Variants in TPR observed in about 807,000 individuals in gnomAD.
The protein encoded by TPR is translocated promoter region, nuclear basket protein.
Under a neutral mutation model 316.1 loss-of-function variants are expected in TPR, and 51 were observed. The observed-to-expected ratio is 0.16, with a 90% CI of 0.13 to 0.20. The LOEUF is 0.20. TPR is among the 10% of genes least tolerant of loss of function. The probability of loss-of-function intolerance (pLI) is 1.00; values close to 1 mark genes in which losing one functional copy is unlikely to be tolerated. For missense variants in TPR, 2,272 were observed against 2,754.8 expected (o/e 0.82, Z 3.92); for synonymous variants, 981 against 914.7 (o/e 1.07, Z -1.31).
chr1:186,373,939 A>T (rs1659610061), intron 1 of TPR, among the ~76,000 whole-genome samples: 1 of 152,232 alleles, frequency 6.6e-6, no homozygotes, highest in African/African-American at 2.4e-5. Context: ...AAGGGATTGA[A>T]TATCATGTTC....
rs1338364529 is a variant in TPR, at chr1:186,343,520, A to T, written c.3603-47T>A. ...AATTTTATGTGAATTTTAAAAAGCC[A>T]ACATTACAAAACGTAGGTAATTTGG... On this transcript the variant is annotated intron_variant, in intron 26 of 50. Transcript: ENST00000367478. The T allele has an allele frequency of 1.9e-6, 3 of 1,559,248 alleles. No homozygotes were observed. In the East Asian group the frequency reaches 6.8e-5, roughly 35 times the overall value.
At position 186,345,691 on chromosome 1, in the gene TPR, A is replaced by G. The variant is rs1185903982; in HGVS notation, c.3102T>C (p.Ser1034=). The part of the protein sequence containing the change: ...RAIESMEQQL[S]ELKKTLSSVQ... ...CACTAGAAAGTGTTTTCTTCAATTC[A>G]GATAACTAAGCAGAAAGAACAAGAT... is the stretch of plus-strand genomic sequence containing the variant. Residue 1034 remains serine, a synonymous_variant, in exon 24 of 51, where the codon TCT becomes TCC. Transcript: ENST00000367478. The G allele has an allele frequency of 6.9e-6, 11 of 1,605,822 alleles. No individual in the cohort carries two copies. Among genetic ancestry groups the G allele is most frequent in the Non-Finnish European group, 9.4e-6 (11 of 1,174,000 alleles).
At chr1:186,350,962 G>C (rs1178654184) in intron 20 of TPR, among the ~76,000 whole-genome samples, 1 of 152,138 alleles carries the variant, frequency 6.6e-6, no homozygotes, top group Admixed American at 6.5e-5. Context: ...AATTGCAATG[G>C]ACACTGGCAC....
rs774685861 is a variant in TPR at position 186,356,270 on chromosome 1, CTT to C, written c.1888+14_1888+15del. On this transcript the variant is annotated intron_variant, in intron 15 of 50. Coordinates refer to ENST00000367478, the MANE Select transcript of TPR (RefSeq NM_003292.3). ...ATTTCTAAATTATTCCTTAAAATAA[CTT>C]TATAAAAACCTACCATGTAATGGAA... 5.7e-6 allele frequency: 9 copies of C among 1,569,020 alleles called. No individual in the cohort carries two copies. In the East Asian group the frequency reaches 1.9e-4, roughly 32 times the overall value.
chr1:186,322,770 A>T, intron 43 of TPR, 184 bp from the exon 44 acceptor site: 2 of 594,682 alleles, frequency 3.4e-6, no homozygotes, highest in Non-Finnish European at 6.0e-6. Flanking sequence ...TTTTAATTAT[A>T]GTCTATAATA....
At chr1:186,338,349 T>C in intron 30 of TPR, 106 bp from the exon 31 acceptor site, 1 of 945,148 alleles carries the variant, frequency 1.1e-6, no homozygotes, top group South Asian at 1.8e-5. Context: ...CTTTTTTTTT[T>C]GAAAATCCTA....
At chr1:186,324,983 A>G (rs930444452) in intron 42 of TPR, among the ~76,000 whole-genome samples, 7 of 152,212 alleles carry the variant, frequency 4.6e-5, no homozygotes, top group Middle Eastern at 6.8e-3. Flanking sequence ...TAAGAATAGT[A>G]TTACCTATTA....
At chr1:186,323,664 T>G in intron 43 of TPR, 22 bp downstream of exon 43, 1 of 1,424,070 alleles carries the variant, frequency 7.0e-7, no homozygotes, top group Non-Finnish European at 9.2e-7. Flanking sequence ...TCATTTTTCA[T>G]AATGACCAGT....
At chr1:186,356,892 C>T (rs1261806673) in intron 14 of TPR, among the ~76,000 whole-genome samples, 2 of 152,198 alleles carry the variant, frequency 1.3e-5, no homozygotes, top group African/African-American at 4.8e-5. Flanking sequence ...ACAGTGAATG[C>T]AAATTGTCTA....
chr1:186,361,965 G>C (rs1659205438), intron 7 of TPR, 96 bp from the exon 8 acceptor site: 1 of 1,201,366 alleles, frequency 8.3e-7, no homozygotes, highest in Non-Finnish European at 1.2e-6. Context: ...TGTAAAGTAA[G>C]AGCTAAATCT....
In TPR at chr1:186,343,343, C is replaced by G; in HGVS notation, c.3733G>C (p.Glu1245Gln). 1 of 1,612,924 alleles carries G rather than the reference C, an allele frequency of 6.2e-7. No individual in the cohort carries two copies. Among genetic ancestry groups the G allele is most frequent in the Non-Finnish European group, 8.5e-7 (1 of 1,179,664 alleles). The change falls in exon 27 of 51, where the codon GAA becomes CAA. Residue 1245 changes from glutamate to glutamine, a missense_variant. Physicochemically the swap from Glu to Gln is conservative, Grantham distance 29. Coordinates refer to ENST00000367478, the MANE Select transcript of TPR (RefSeq NM_003292.3). ...LQELQDSLNAEREKVQVTAKT... is the reference protein window; with the variant it reads ...LQELQDSLNAQREKVQVTAKT... The stretch of plus-strand genomic sequence containing the variant: ...ATACCTACCTGGACTTTCTCCCTTT[C>G]AGCATTTAGACTATCTTGCAGTTCC...
chr1:186,364,779 G>C (rs1353099860), intron 4 of TPR, among the ~76,000 whole-genome samples: 1 of 152,180 alleles, frequency 6.6e-6, no homozygotes, highest in Non-Finnish European at 1.5e-5. Flanking sequence ...TTTTAATGCA[G>C]ATAGAAGTGT....
At position 186,340,605 on chromosome 1, in the gene TPR, AT is replaced by A. The variant is rs539611216; in HGVS notation, c.4020+422del. 5.9e-3 allele frequency among the ~76,000 whole-genome samples: 895 copies of A among 151,774 alleles called. 12 individuals are homozygous for A. Among genetic ancestry groups the A allele is most frequent in the African/African-American group, 0.02 (839 of 41,402 alleles). On this transcript the variant is annotated intron_variant, in intron 29 of 50. Transcript: ENST00000367478. ...TACCACCACGCCCAGCTAATTTTTA[AT>A]TTTTTGTAGAGTTGGAGTCTCACTA...
In TPR at chr1:186,344,676, A is replaced by G. The variant is rs140648267; in HGVS notation, c.3214-98T>C. 4.7e-4 allele frequency: 419 copies of G among 885,852 alleles called. 5 individuals are homozygous for G. The East Asian group carries it at 0.012, about 26-fold the overall frequency. The allele number at this position is 885,852 out of a possible 1,614,324, so 54.9% of individuals were successfully genotyped here. A position where few individuals can be genotyped will look rare whatever the true frequency, so the allele number is the denominator to read the frequency against. ...TACACATTGGACTTTTTAAATAATA[A>G]AAGTAAAGACAATCTAAATGTAGCA... On this transcript the variant is annotated intron_variant, in intron 24 of 50. Transcript: ENST00000367478.
chr1:186,328,755 C>G (rs1658072030), intron 39 of TPR, among the ~76,000 whole-genome samples: 1 of 152,156 alleles, frequency 6.6e-6, no homozygotes, highest in South Asian at 2.1e-4. Flanking sequence ...AGCCTTCAAA[C>G]CAAAATAAAT....
chr1:186,348,038 C>G (rs1658733808), intron 21 of TPR, among the ~76,000 whole-genome samples: 1 of 152,040 alleles, frequency 6.6e-6, no homozygotes, highest in Admixed American at 6.5e-5. Context: ...AATCAGTGCA[C>G]CTTGAAAAAG....
intron 42 of TPR, among the ~76,000 whole-genome samples, chr1:186,324,246 T>TAAAAA (rs1557988909): frequency 6.6e-6 from 1 of 151,828 alleles, no homozygotes; most frequent in African/African-American, 2.4e-5. Flanking sequence ...AGTAAACATT[T>TAAAAA]AATAAAATAA....
In TPR at chr1:186,327,554, G is replaced by A. The variant is rs1264084351; in HGVS notation, c.5795C>T (p.Ser1932Leu). 1.4e-5 allele frequency: 23 copies of A among 1,612,258 alleles called. No individual in the cohort carries two copies. The highest frequency in any genetic ancestry group is 1.9e-5 in the Non-Finnish European group (22 of 1,179,662). Residue 1932 changes from serine to leucine, a missense_variant, in exon 40 of 51, where the codon TCA (serine) becomes TTA (leucine). Ser to Leu is a moderately radical substitution (Grantham distance 145, BLOSUM62 -2). This residue lies in a region of TPR where 435 missense variants were observed against 461.1 expected (regional missense o/e 0.94). Transcript: ENST00000367478. ...PLQSDQQTTTSSQDGQGKGDD... is the reference protein window; with the variant it reads ...PLQSDQQTTTLSQDGQGKGDD... ...TCCTTTGCCTTGACCATCCTGGGATGAAGTTGTCGTCTGCTGATCTGATTG... is the reference window on the plus strand; with the variant it reads ...TCCTTTGCCTTGACCATCCTGGGATAAAGTTGTCGTCTGCTGATCTGATTG...
At chr1:186,351,617 G>A in intron 19 of TPR, 147 bp from the exon 20 acceptor site, 2 of 845,570 alleles carry the variant, frequency 2.4e-6, no homozygotes, top group East Asian at 3.1e-5. Context: ...AAAGTATTCT[G>A]GTATTTTTTA....
Sources: allele counts gnomAD v4.1 joint callset (sites outside exome capture counted in the v4.1 genomes callset), GRCh38; gene constraint gnomAD v4.1.1; regional missense constraint gnomAD v4.1.1; transcripts MANE v1.5; gene names NCBI Gene and HGNC (gene_info 2026-07-23, HGNC 2026-07-21).